The following DPCD variants were observed in gnomAD, a reference collection of about 807,000 sequenced individuals.
DPCD encodes the protein deleted in primary ciliary dyskinesia homolog (mouse).
DPCD carries 20 observed loss-of-function variants against 26.4 expected under a neutral mutation model. The ratio of observed to expected loss-of-function variants is 0.76; its 90% CI spans 0.53 to 1.10. DPCD has a LOEUF of 1.10. Ranked by LOEUF, DPCD falls within the 50% of genes least tolerant of loss-of-function variation. DPCD has a pLI of 0.00. For missense variants in DPCD, 202 were observed against 253.9 expected, an observed-to-expected ratio of 0.80 and a Z score of 1.39; for synonymous variants, 97 against 94.2, an observed-to-expected ratio of 1.03 and a Z score of -0.17.
intron 1 of DPCD, among the ~76,000 whole-genome samples, chr10:101,589,967 C>T (rs1413860945): frequency 6.6e-6 from 1 of 151,034 alleles, no homozygotes; most frequent in Non-Finnish European, 1.5e-5. Context: ...GCCAGAGGAT[C>T]GCTTGAGCCA....
rs536945032 is a variant in DPCD at position 101,595,150 on chromosome 10, A to G, written c.145+412A>G. On this transcript the variant is annotated intron_variant, in intron 2 of 5. Transcript: ENST00000370151. ...AAAGCCACACCAGGAGCAAGCGAGT[A>G]TCAGAGGCAGAGCTTCTGAGCTTGC... Among the ~76,000 whole-genome samples the G allele has an allele frequency of 2.0e-5, 3 of 152,326 alleles. No individual in the cohort carries two copies. The South Asian group carries it at 6.2e-4, about 32-fold the overall frequency.
intron 1 of DPCD, among the ~76,000 whole-genome samples, chr10:101,593,462 C>T (rs748526552): frequency 4.6e-4 from 70 of 152,172 alleles, no homozygotes; most frequent in Non-Finnish European, 9.1e-4. Context: ...TGCTCTGTTA[C>T]TAGTTTTACT....
At chr10:101,596,016 C>G (rs572546514) in intron 2 of DPCD, among the ~76,000 whole-genome samples, 1 of 152,288 alleles carries the variant, frequency 6.6e-6, no homozygotes, top group South Asian at 2.1e-4. Flanking sequence ...CCACACAGAG[C>G]AAATAAAACA....
chr10:101,603,888 G>A lies in DPCD; in HGVS notation c.404+2552G>A, dbSNP rs1371103082. Reference sequence around the variant, plus strand: ...CCGCCTCATCCTCCTGAGAAGCTGGGACTATAGGCGCATACCACCCAATCT... The same window carrying A: ...CCGCCTCATCCTCCTGAGAAGCTGGAACTATAGGCGCATACCACCCAATCT... On this transcript the variant is annotated intron_variant, in intron 4 of 5. Transcript: ENST00000370151. The surrounding 1 kb of genome is among the most constrained non-coding windows in gnomAD (Gnocchi z 4.6). Among the ~76,000 whole-genome samples the A allele has an allele frequency of 1.3e-5, 2 of 152,202 alleles. No individual in the cohort carries two copies. Among genetic ancestry groups the A allele is most frequent in the Non-Finnish European group, 2.9e-5 (2 of 68,032 alleles).
intron 2 of DPCD, among the ~76,000 whole-genome samples, chr10:101,595,009 AAAAAACTTT>A (rs2134759224): frequency 6.6e-6 from 1 of 151,808 alleles, no homozygotes; most frequent in East Asian, 1.9e-4. Flanking sequence ...AACAGTTGGG[AAAAAACTTT>A]ACAGAGGAGG....
intron 4 of DPCD, among the ~76,000 whole-genome samples, chr10:101,601,873 C>T (rs956741146): frequency 4.6e-5 from 7 of 152,282 alleles, no homozygotes; most frequent in East Asian, 1.9e-4. Flanking sequence ...ATGCTTGGGC[C>T]GCTTGGAAGT....
At position 101,603,267 on chromosome 10, in the gene DPCD, A is replaced by T. The variant is rs1189198259; in HGVS notation, c.404+1931A>T. Among the ~76,000 whole-genome samples the T allele has an allele frequency of 6.6e-6, 1 of 152,238 alleles. No homozygotes were observed. Among genetic ancestry groups the T allele is most frequent in the African/African-American group, 2.4e-5 (1 of 41,528 alleles). ...GAACCCTTAGCCAGATCGTTCCCGA[A>T]CCTAGTGGCATTTTTACCTTCTACC... On this transcript the variant is annotated intron_variant, in intron 4 of 5. Coordinates refer to ENST00000370151, the MANE Select transcript of DPCD (RefSeq NM_015448.3). The surrounding 1 kb of genome is among the most constrained non-coding windows in gnomAD (Gnocchi z 4.6).
intron 1 of DPCD, 96 bp from the exon 2 acceptor site, chr10:101,594,562 C>G (rs539016461): frequency 1.2e-4 from 152 of 1,289,358 alleles, no homozygotes; most frequent in Non-Finnish European, 2.6e-5. Flanking sequence ...CTCAGTACTC[C>G]CAAGGCTGGC....
At chr10:101,596,098 T>C (rs934379343) in intron 2 of DPCD, among the ~76,000 whole-genome samples, 1 of 152,218 alleles carries the variant, frequency 6.6e-6, no homozygotes, top group Non-Finnish European at 1.5e-5. Context: ...GATATGAAAC[T>C]GAAATTAAAA....
chr10:101,601,476 T>C (rs1041729019), intron 4 of DPCD, 140 bp downstream of exon 4: 2 of 175,870 alleles, frequency 1.1e-5, no homozygotes, highest in Non-Finnish European at 2.3e-5. Context: ...AAGGGCTTCC[T>C]CTCTGCAGGA....
At chr10:101,602,949 G>A (rs1015837362) in intron 4 of DPCD, among the ~76,000 whole-genome samples, 13 of 152,380 alleles carry the variant, frequency 8.5e-5, no homozygotes, top group Admixed American at 4.6e-4. Context: ...CATCTCCTGC[G>A]CACATCCAGC....
chr10:101,588,538 A>G, intron 1 of DPCD, 138 bp downstream of exon 1: 4 of 1,470,452 alleles, frequency 2.7e-6, no homozygotes, highest in Non-Finnish European at 3.6e-6. Context: ...TTTGCAGATG[A>G]GGAGACTGAG....
At position 101,603,583 on chromosome 10, in the gene DPCD, C is replaced by T. The variant is rs1485805521; in HGVS notation, c.404+2247C>T. 6.6e-6 allele frequency among the ~76,000 whole-genome samples: 1 copy of T among 152,048 alleles called. No individual in the cohort carries two copies. Among genetic ancestry groups the T allele is most frequent in the Non-Finnish European group, 1.5e-5 (1 of 68,024 alleles). ...GACCAGCCTGGCCAACATGGCGAAA[C>T]CCTGTCTCTCTAAAAATACAAAAAT... On this transcript the variant is annotated intron_variant, in intron 4 of 5. Transcript: ENST00000370151. This position sits in a 1 kb window ranked among gnomAD's most constrained non-coding sequence, Gnocchi z 4.6.
chr10:101,608,724 G>A (rs1046967404), intron 4 of DPCD, 111 bp from the exon 5 acceptor site: 44 of 707,674 alleles, frequency 6.2e-5, no homozygotes, highest in Admixed American at 1.7e-4. Flanking sequence ...CCCTCTCTGC[G>A]TGTGTGGAAG....
intron 1 of DPCD, among the ~76,000 whole-genome samples, chr10:101,594,388 G>A (rs1322112888): frequency 6.6e-6 from 1 of 152,214 alleles, no homozygotes; most frequent in African/African-American, 2.4e-5. Flanking sequence ...GGGCAAAGAA[G>A]AGTTCCACAG....
At chr10:101,591,417 C>T (rs1388438288) in intron 1 of DPCD, among the ~76,000 whole-genome samples, 1 of 151,932 alleles carries the variant, frequency 6.6e-6, no homozygotes, top group East Asian at 1.9e-4. Flanking sequence ...GTTAAGATTC[C>T]ACCCTATCCC....
rs966438344 is a variant in DPCD at position 101,600,078 on chromosome 10, A to C, written c.146-660A>C. On this transcript the variant is annotated intron_variant, in intron 2 of 5. Transcript: ENST00000370151. This position sits in a 1 kb window ranked among gnomAD's most constrained non-coding sequence, Gnocchi z 4.7. ...AGGTAAAATAGAGATGGTTATTTGC[A>C]TTCTAGAAGGATTCCCTTTTACAAA... Among the ~76,000 whole-genome samples, 1 of 152,234 alleles carries C rather than the reference A, an allele frequency of 6.6e-6. No homozygotes were observed. The highest frequency in any genetic ancestry group is 1.5e-5 in the Non-Finnish European group (1 of 68,034).
chr10:101,598,266 G>T (rs565067609), intron 2 of DPCD, among the ~76,000 whole-genome samples: 2 of 152,220 alleles, frequency 1.3e-5, no homozygotes, highest in South Asian at 4.2e-4. Flanking sequence ...GCCCTAGGTC[G>T]TGAGGTAGTC....
At chr10:101,595,684 C>T (rs1429217392) in intron 2 of DPCD, among the ~76,000 whole-genome samples, 1 of 152,156 alleles carries the variant, frequency 6.6e-6, no homozygotes, top group Non-Finnish European at 1.5e-5. Context: ...GTTTGTCCTG[C>T]GCATGTTCAG....
Sources: gnomAD v4.1 joint callset for allele counts (sites outside exome capture counted in the v4.1 genomes callset) on GRCh38, gnomAD v4.1.1 for gene constraint, Gnocchi (gnomAD v3.1) non-coding constraint, MANE v1.5 for transcripts, NCBI Gene and HGNC (gene_info 2026-07-23, HGNC 2026-07-21) for gene names.